ERBB4: variants seen among roughly 807,000 people sequenced by gnomAD.
ERBB4 encodes erb-b2 receptor tyrosine kinase 4.
Under a neutral mutation model 158.0 loss-of-function variants are expected in ERBB4, and 42 were observed. The ratio of observed to expected loss-of-function variants is 0.27; its 90% CI spans 0.21 to 0.34. The LOEUF is 0.34. Among genes scored for constraint, ERBB4 ranks in the 10% least tolerant of loss-of-function variants. The pLI is 1.00. For missense variants in ERBB4, 1,333 were observed against 1,624.1 expected (o/e 0.82, Z 3.08); for synonymous variants, 583 against 558.7 (o/e 1.04, Z -0.61).
At chr2:211,385,823 A>G (rs1270724917) in intron 27 of ERBB4, among the ~76,000 whole-genome samples, 1 of 152,186 alleles carries the variant, frequency 6.6e-6, no homozygotes, top group Non-Finnish European at 1.5e-5. Context: ...AAATCTCCCC[A>G]GAAAAGATTC....
chr2:212,141,563 C>T (rs1333832663), intron 1 of ERBB4, among the ~76,000 whole-genome samples: 4 of 151,556 alleles, frequency 2.6e-5, no homozygotes, highest in Admixed American at 6.6e-5. Flanking sequence ...AAAAGTTTAT[C>T]CACTCCTTCC....
chr2:212,148,716 G>A (rs1238224169), intron 1 of ERBB4, among the ~76,000 whole-genome samples: 4 of 150,706 alleles, frequency 2.7e-5, no homozygotes, highest in Admixed American at 6.6e-5. Flanking sequence ...ACATGCACAC[G>A]TATGTTTATT....
In ERBB4 at chr2:211,893,377, A is replaced by G. The variant is rs2125011353; in HGVS notation, c.421+54053T>C. ...GCCATATGTAGAAAGCTGAAACTGG[A>G]TCCCTTCCTTACACTTTATACAAAA... On this transcript the variant is annotated intron_variant, in intron 3 of 27. Coordinates refer to ENST00000342788, the MANE Select transcript of ERBB4 (RefSeq NM_005235.3). 1.4e-5 allele frequency among the ~76,000 whole-genome samples: 2 copies of G among 143,478 alleles called. 1 individual carries two copies. The highest frequency in any genetic ancestry group is 5.5e-5 in the African/African-American group (2 of 36,160). The allele number at this position is 143,478 out of a possible 152,430, so 94.1% of individuals were successfully genotyped here. A position where few individuals can be genotyped will look rare whatever the true frequency, so the allele number is the denominator to read the frequency against.
At chr2:211,530,199 G>T (rs1209654570) in intron 20 of ERBB4, among the ~76,000 whole-genome samples, 3 of 152,054 alleles carry the variant, frequency 2.0e-5, no homozygotes, top group African/African-American at 7.2e-5. Context: ...ATTTCTATAT[G>T]CCATCAGCAA....
chr2:212,427,413 C>T (rs1327099211), intron 1 of ERBB4, among the ~76,000 whole-genome samples: 1 of 152,128 alleles, frequency 6.6e-6, no homozygotes, highest in Non-Finnish European at 1.5e-5. Context: ...TCCCCTTTCT[C>T]TACTGTATAT....
chr2:211,998,767 A>G (rs752962696), intron 2 of ERBB4, among the ~76,000 whole-genome samples: 10 of 151,880 alleles, frequency 6.6e-5, no homozygotes, highest in Non-Finnish European at 1.3e-4. Context: ...AAAATTTCAC[A>G]ACCATGATAC....
At chr2:212,019,138 G>A (rs927232631) in intron 2 of ERBB4, among the ~76,000 whole-genome samples, 1 of 152,084 alleles carries the variant, frequency 6.6e-6, no homozygotes, top group Non-Finnish European at 1.5e-5. Context: ...AGTACCTAGA[G>A]GGACAATGTA....
intron 3 of ERBB4, among the ~76,000 whole-genome samples, chr2:211,861,087 A>T (rs1219324093): frequency 0.035 from 1,410 of 40,260 alleles, 196 homozygotes; most frequent in African/African-American, 0.055. Flanking sequence ...TATATTATAA[A>T]ATATATAAAT....
intron 1 of ERBB4, among the ~76,000 whole-genome samples, chr2:212,305,020 C>T (rs1348109677): frequency 6.6e-6 from 1 of 151,074 alleles, no homozygotes; most frequent in Non-Finnish European, 1.5e-5. Flanking sequence ...ACTAATAAGG[C>T]ACTTAAAATA....
intron 20 of ERBB4, among the ~76,000 whole-genome samples, chr2:211,526,482 A>C (rs2066352785): frequency 6.6e-6 from 1 of 152,136 alleles, no homozygotes; most frequent in Admixed American, 6.5e-5. Flanking sequence ...GTCCTTGTGA[A>C]TACCTGGAGA....
chr2:212,056,427 A>G (rs1004934248), intron 2 of ERBB4, among the ~76,000 whole-genome samples: 2 of 152,162 alleles, frequency 1.3e-5, no homozygotes, highest in African/African-American at 4.8e-5. Flanking sequence ...AATAGAGAGA[A>G]CACCACAAAG....
chr2:211,977,530 T>TAAAAAAA (rs1394107563), intron 2 of ERBB4, among the ~76,000 whole-genome samples: 2 of 6,686 alleles, frequency 3.0e-4, no homozygotes, highest in African/African-American at 8.3e-4. Context: ...GATATTGACT[T>TAAAAAAA]TAAAAAAAAA....
chr2:212,066,140 AAGAC>A (rs2077940548), intron 2 of ERBB4, among the ~76,000 whole-genome samples: 4 of 151,898 alleles, frequency 2.6e-5, no homozygotes, highest in Non-Finnish European at 5.9e-5. Flanking sequence ...TAGGCCTCGA[AAGAC>A]TCTTACTCTG....
chr2:212,153,702 C>T (rs145468452), intron 1 of ERBB4, among the ~76,000 whole-genome samples: 4 of 152,128 alleles, frequency 2.6e-5, no homozygotes, highest in Admixed American at 6.6e-5. Flanking sequence ...ATAATTTGCA[C>T]GCATGAATAT....
chr2:212,042,318 T>C (rs1368843647), intron 2 of ERBB4, among the ~76,000 whole-genome samples: 1 of 152,112 alleles, frequency 6.6e-6, no homozygotes, highest in African/African-American at 2.4e-5. Context: ...AGATTAAAAT[T>C]TTCCATAATT....
At chr2:212,315,970 A>G (rs566244414) in intron 1 of ERBB4, among the ~76,000 whole-genome samples, 186 of 151,654 alleles carry the variant, frequency 1.2e-3, no homozygotes, top group Non-Finnish European at 2.2e-3. Flanking sequence ...TAATAGATAT[A>G]TCTCACCAAA....
chr2:211,985,746 T>C (rs1446339834), intron 2 of ERBB4, among the ~76,000 whole-genome samples: 1 of 152,056 alleles, frequency 6.6e-6, no homozygotes, highest in Non-Finnish European at 1.5e-5. Context: ...CAAAAATTTA[T>C]TTAAAAATAC....
chr2:212,485,624 A>G lies in ERBB4; in HGVS notation c.82+52825T>C, dbSNP rs540632524. On this transcript the variant is annotated intron_variant, in intron 1 of 27. Coordinates refer to ENST00000342788, the MANE Select transcript of ERBB4 (RefSeq NM_005235.3). ...TAAAAAATTTATTATAAAAACTACA[A>G]TAGTTTTCATTTAACCAGCACATTA... 1.3e-4 allele frequency among the ~76,000 whole-genome samples: 20 copies of G among 152,308 alleles called. No individual in the cohort carries two copies. In the South Asian group the frequency reaches 4.1e-3, roughly 32 times the overall value.
intron 3 of ERBB4, among the ~76,000 whole-genome samples, chr2:211,913,546 A>T (rs1011975880): frequency 2.6e-5 from 4 of 151,916 alleles, no homozygotes; most frequent in Non-Finnish European, 5.9e-5. Flanking sequence ...GGTTGCAGTG[A>T]GCCAAGACCA....
Sources: gnomAD v4.1 joint callset for allele counts (sites outside exome capture counted in the v4.1 genomes callset) on GRCh38, gnomAD v4.1.1 for gene constraint, MANE v1.5 for transcripts, NCBI Gene and HGNC (gene_info 2026-07-23, HGNC 2026-07-21) for gene names.